FOXP1: variants seen among roughly 807,000 people sequenced by gnomAD.
FOXP1 encodes the protein forkhead box protein P1.
FOXP1 carries 15 observed loss-of-function variants against 98.2 expected under a neutral mutation model. The observed-to-expected ratio is 0.15, with a 90% CI of 0.10 to 0.24. FOXP1 has a LOEUF of 0.24. Ranked by LOEUF, FOXP1 falls within the 10% of genes least tolerant of loss-of-function variation. FOXP1 has a pLI of 1.00. For missense variants in FOXP1, 633 were observed against 848.5 expected (o/e 0.75, Z 3.15); for synonymous variants, 371 against 314.5 (o/e 1.18, Z -1.90).
intron 6 of FOXP1, among the ~76,000 whole-genome samples, chr3:71,142,623 C>A (rs180680865): frequency 1.7e-3 from 255 of 152,318 alleles, no homozygotes; most frequent in Non-Finnish European, 2.9e-3. Context: ...AAGCAGGGAC[C>A]TCAGTCCTAC....
intron 5 of FOXP1, among the ~76,000 whole-genome samples, chr3:71,260,600 C>T (rs374298892): frequency 2.0e-5 from 3 of 149,032 alleles, no homozygotes; most frequent in East Asian, 4.0e-4. Context: ...TGGAGTGCAA[C>T]GGGGTGATCT....
chr3:71,562,989 G>C (rs2046649705), intron 2 of FOXP1, among the ~76,000 whole-genome samples: 1 of 152,150 alleles, frequency 6.6e-6, no homozygotes, highest in Admixed American at 6.6e-5. Flanking sequence ...TGTGCCCCTA[G>C]CAAGTGCCCT....
chr3:71,415,976 CT>C (rs2083181298), intron 3 of FOXP1, among the ~76,000 whole-genome samples: 1 of 152,160 alleles, frequency 6.6e-6, no homozygotes, highest in African/African-American at 2.4e-5. Context: ...ACTTCGGCAT[CT>C]TTCGTCACAG....
chr3:71,023,511 AG>A (rs2045711612), intron 11 of FOXP1, among the ~76,000 whole-genome samples: 1 of 152,204 alleles, frequency 6.6e-6, no homozygotes, highest in South Asian at 2.1e-4. Flanking sequence ...CATCGATGGA[AG>A]CCACTACTAT....
intron 5 of FOXP1, among the ~76,000 whole-genome samples, chr3:71,212,175 T>C (rs1244293432): frequency 6.6e-6 from 1 of 152,100 alleles, no homozygotes. Context: ...GAATTGAAAA[T>C]GGAATTGCTT....
At chr3:71,253,953 A>G (rs2068425628) in intron 5 of FOXP1, among the ~76,000 whole-genome samples, 2 of 152,216 alleles carry the variant, frequency 1.3e-5, no homozygotes, top group South Asian at 4.1e-4. Flanking sequence ...CTTATAGTTC[A>G]AATTTTCTGC....
At chr3:71,041,273 C>G in intron 11 of FOXP1, 55 bp downstream of exon 11, 1 of 1,456,668 alleles carries the variant, frequency 6.9e-7, no homozygotes, top group Non-Finnish European at 9.6e-7. Flanking sequence ...GCAGGGCCAC[C>G]CACCCCTCTC....
At chr3:71,336,866 A>G (rs569119626) in intron 4 of FOXP1, among the ~76,000 whole-genome samples, 1 of 152,330 alleles carries the variant, frequency 6.6e-6, no homozygotes, top group East Asian at 1.9e-4. Flanking sequence ...GCCAATGTGC[A>G]GGAGATAGAG....
At chr3:70,997,297 A>T (rs1194347598) in intron 13 of FOXP1, among the ~76,000 whole-genome samples, 1 of 152,220 alleles carries the variant, frequency 6.6e-6, no homozygotes, top group Non-Finnish European at 1.5e-5. Context: ...CTGGTAGTCA[A>T]GTAAGTTAAA....
chr3:71,438,184 C>G (rs959593094), intron 3 of FOXP1, among the ~76,000 whole-genome samples: 6 of 152,186 alleles, frequency 3.9e-5, no homozygotes, highest in Non-Finnish European at 8.8e-5. Flanking sequence ...CATGTAGACT[C>G]TTTAAGAACA....
chr3:71,448,293 G>A (rs2086635615), intron 3 of FOXP1, among the ~76,000 whole-genome samples: 1 of 152,046 alleles, frequency 6.6e-6, no homozygotes, highest in African/African-American at 2.4e-5. Flanking sequence ...ACAAAATCCT[G>A]CTCCATTAAG....
chr3:71,226,771 G>A (rs1576470581), intron 5 of FOXP1, among the ~76,000 whole-genome samples: 1 of 151,912 alleles, frequency 6.6e-6, no homozygotes, highest in East Asian at 1.9e-4. Context: ...GTCTCGCTGA[G>A]TCTCTCTTTT....
chr3:71,518,027 TA>T (rs1230841201), intron 2 of FOXP1, among the ~76,000 whole-genome samples: 1 of 152,136 alleles, frequency 6.6e-6, no homozygotes, highest in Non-Finnish European at 1.5e-5. Context: ...AACATTAGAG[TA>T]ATAAGCCCTC....
intron 11 of FOXP1, among the ~76,000 whole-genome samples, chr3:71,039,775 A>C (rs1169272860): frequency 2.0e-5 from 3 of 151,896 alleles, no homozygotes; most frequent in African/African-American, 4.8e-5. Context: ...AAAAAAAAGA[A>C]GACATCATAA....
chr3:71,090,237 T>C (rs907797723), intron 7 of FOXP1, among the ~76,000 whole-genome samples: 8 of 152,246 alleles, frequency 5.3e-5, no homozygotes, highest in Non-Finnish European at 1.0e-4. Context: ...AATTTCATTT[T>C]CTAAGCTTCT....
chr3:71,195,429 G>A (rs1195441867), intron 6 of FOXP1, among the ~76,000 whole-genome samples: 1 of 152,164 alleles, frequency 6.6e-6, no homozygotes, highest in Non-Finnish European at 1.5e-5. Context: ...TGATGGTATT[G>A]GTGCAACTGG....
intron 3 of FOXP1, among the ~76,000 whole-genome samples, chr3:71,422,931 C>A (rs1055319885): frequency 6.6e-6 from 1 of 152,092 alleles, no homozygotes; most frequent in African/African-American, 2.4e-5. Context: ...ACCAAAACTC[C>A]AATACAAACC....
chr3:71,065,918 C>T (rs934139988), intron 7 of FOXP1, among the ~76,000 whole-genome samples: 2 of 151,876 alleles, frequency 1.3e-5, no homozygotes, highest in South Asian at 2.1e-4. Context: ...TAGTCCATTT[C>T]GGCGACTCTA....
intron 3 of FOXP1, among the ~76,000 whole-genome samples, chr3:71,371,397 C>T (rs553957936): frequency 6.6e-6 from 1 of 152,318 alleles, no homozygotes; most frequent in East Asian, 1.9e-4. Context: ...CTCTCAAGAA[C>T]ACACCTGACA....
Sources: allele counts gnomAD v4.1 joint callset (sites outside exome capture counted in the v4.1 genomes callset), GRCh38; gene constraint gnomAD v4.1.1; transcripts MANE v1.5; gene names NCBI Gene and HGNC (gene_info 2026-07-23, HGNC 2026-07-21).